CHD1L: variants seen among roughly 807,000 people sequenced by gnomAD.
CHD1L encodes chromodomain helicase DNA binding protein 1 like, also known as ATP-dependent chromatin remodeler CHD1L.
Under a neutral mutation model 115.9 loss-of-function variants are expected in CHD1L, and 118 were observed. That is an observed-to-expected ratio of 1.02 (90% CI 0.88 to 1.19). CHD1L has a LOEUF of 1.19. Among genes scored for constraint, CHD1L ranks in the 50% most tolerant of loss-of-function variants. The probability of loss-of-function intolerance (pLI) is 0.00; values close to 1 mark genes in which losing one functional copy is unlikely to be tolerated. For synonymous variants in CHD1L, 411 were observed against 387.1 expected (o/e 1.06, Z -0.72); for missense variants, 1,179 against 1,065.3 (o/e 1.11, Z -1.49).
At chr1:147,204,226 A>G in the CHD1L span, 13 of 1,374,676 alleles carry the variant, frequency 9.5e-6, no homozygotes, top group Middle Eastern at 3.5e-4. Flanking sequence ...CTATTTTTGC[A>G]TCTTTGACAG....
At position 147,252,691 on chromosome 1, in the gene CHD1L, G is replaced by A. The variant is rs1668797839; in HGVS notation, c.196G>A (p.Gly66Ser). The A allele has an allele frequency of 6.2e-7, 1 of 1,614,008 alleles. No homozygotes were observed. Among genetic ancestry groups the A allele is most frequent in the Admixed American group, 1.7e-5 (1 of 60,004 alleles). ...WLAQRFHCQN[G>S]CILGDEMGLG... Reference sequence around the variant, plus strand: ...CGCCCAGCGCTTCCATTGTCAGAATGGCTGTATCCTGGGAGATGAGATGGG... The same window carrying A: ...CGCCCAGCGCTTCCATTGTCAGAATAGCTGTATCCTGGGAGATGAGATGGG... Residue 66 changes from glycine (G) to serine (S), a missense_variant, in exon 2 of 23, where the codon GGC (glycine) becomes AGC (serine). By Grantham distance (56) the Gly-to-Ser change is moderately conservative (BLOSUM62 0). Transcript: ENST00000369258.
chr1:147,232,430 T>C, the CHD1L span, among the ~76,000 whole-genome samples: 7 of 152,120 alleles, frequency 4.6e-5, no homozygotes, highest in Non-Finnish European at 5.9e-5. Context: ...TGTATTCCCA[T>C]TATCTCAAGT....
chr1:147,272,706 AGTT>A (rs1676707784), intron 12 of CHD1L, among the ~76,000 whole-genome samples: 1 of 152,206 alleles, frequency 6.6e-6, no homozygotes, highest in Admixed American at 6.5e-5. Context: ...ACAAAAATCT[AGTT>A]GTTAAAAAAT....
At chr1:147,261,357 G>A (rs587714077) in intron 6 of CHD1L, among the ~76,000 whole-genome samples, 81 of 151,234 alleles carry the variant, frequency 5.4e-4, no homozygotes, top group African/African-American at 1.9e-3. Context: ...AGGTGGACGG[G>A]CAAGAGGGAG....
chr1:147,287,537 T>C, intron 18 of CHD1L, 98 bp from the exon 19 acceptor site: 1 of 781,586 alleles, frequency 1.3e-6, no homozygotes, highest in Non-Finnish European at 2.0e-6. Context: ...CTTTGAAAAA[T>C]CATTCTTCCA....
chr1:147,207,486 A>T, the CHD1L span, among the ~76,000 whole-genome samples: 2 of 152,334 alleles, frequency 1.3e-5, no homozygotes, highest in Admixed American at 6.5e-5. Flanking sequence ...TTGTACTTTC[A>T]TAACACTGTA....
intron 1 of CHD1L, among the ~76,000 whole-genome samples, chr1:147,243,670 C>T (rs1346986985): frequency 2.6e-5 from 4 of 152,112 alleles, no homozygotes; most frequent in African/African-American, 9.7e-5. Context: ...TGTGCTTTGA[C>T]TGTATTGACA....
rs1682701912 is a variant in CHD1L, at chr1:147,285,444, G to A, written c.1975G>A (p.Glu659Lys). The change falls in exon 17 of 23, where the codon GAG becomes AAG. Residue 659 changes from glutamate (E) to lysine (K), a missense_variant. By Grantham distance (56) the Glu-to-Lys change is moderately conservative. Transcript: ENST00000369258. Reference protein sequence around the residue: ...EAAAKRRRLIEEKKRQKEEAE... With the variant: ...EAAAKRRRLIKEKKRQKEEAE... ...AGCTGCCAAGAGAAGGAGACTCATA[G>A]AGGAGAAGAAGAGGCAAAAGGAAGA... 2.5e-6 allele frequency: 4 copies of A among 1,613,818 alleles called. No homozygotes were observed. The South Asian group carries it at 3.3e-5, about 13-fold the overall frequency.
At chr1:147,227,593 C>A in the CHD1L span, among the ~76,000 whole-genome samples, 1 of 152,166 alleles carries the variant, frequency 6.6e-6, no homozygotes. Context: ...AAGTCAATTT[C>A]TTCATTGAAA....
the CHD1L span, among the ~76,000 whole-genome samples, chr1:147,206,393 C>A: frequency 1.3e-5 from 2 of 152,164 alleles, no homozygotes; most frequent in Non-Finnish European, 1.5e-5. Context: ...TACCATTTGA[C>A]CCAACCATCC....
At chr1:147,253,845 A>T (rs1046677956) in intron 2 of CHD1L, among the ~76,000 whole-genome samples, 8 of 152,232 alleles carry the variant, frequency 5.3e-5, no homozygotes, top group Non-Finnish European at 1.2e-4. Context: ...TGTTAATCTA[A>T]CAGTGTCACT....
the CHD1L span, chr1:147,184,558 A>C: frequency 6.5e-7 from 1 of 1,549,132 alleles, no homozygotes; most frequent in Non-Finnish European, 8.7e-7. This position sits in a 1 kb window ranked among gnomAD's most constrained non-coding sequence, Gnocchi z 4.4. Context: ...TGATCTTGAC[A>C]GTTTTGAGGT....
Position 147,294,526 on chromosome 1 carries a change from T to C in CHD1L, c.2615+9T>C, listed in dbSNP as rs782185461. ...GGCATCCCAACTTACATGTATCCTT[T>C]TGTGATCTTCATTGTGTGTTCTCCC... On this transcript the variant is annotated intron_variant, in intron 22 of 22. Transcript: ENST00000369258. 2.0e-5 allele frequency: 32 copies of C among 1,600,432 alleles called. No homozygotes were observed. The South Asian group carries it at 3.5e-4, about 17-fold the overall frequency.
At chr1:147,233,921 C>T in the CHD1L span, among the ~76,000 whole-genome samples, 1 of 151,950 alleles carries the variant, frequency 6.6e-6, no homozygotes, top group Non-Finnish European at 1.5e-5. Context: ...GTCATCACCA[C>T]TCCCTAATCT....
At chr1:147,241,528 A>G (rs1553930998), upstream of CHD1L, among the ~76,000 whole-genome samples, 1 of 152,120 alleles carries the variant, frequency 6.6e-6, no homozygotes, top group African/African-American at 2.4e-5. Flanking sequence ...ACCTGCACCC[A>G]GGTGAAATAA....
the CHD1L span, chr1:147,186,251 G>A: frequency 2.2e-6 from 2 of 901,670 alleles, no homozygotes; most frequent in Non-Finnish European, 2.7e-6. Context: ...ATGACTGTGA[G>A]CCTAGAAAGT....
chr1:147,187,109 G>A, the CHD1L span: 2 of 1,614,124 alleles, frequency 1.2e-6, no homozygotes, highest in South Asian at 1.1e-5. Context: ...CAGGGTCCCA[G>A]TAATAAGTGT....
the CHD1L span, among the ~76,000 whole-genome samples, chr1:147,233,610 T>C: frequency 6.6e-6 from 1 of 152,072 alleles, no homozygotes; most frequent in African/African-American, 2.4e-5. Flanking sequence ...AACATGCTCA[T>C]TGAGAACAGG....
the CHD1L span, among the ~76,000 whole-genome samples, chr1:147,207,144 G>A: frequency 6.6e-6 from 1 of 152,020 alleles, no homozygotes; most frequent in Non-Finnish European, 1.5e-5. Flanking sequence ...TGGTTATGTA[G>A]GAGAATGCCC....
Sources: gnomAD v4.1 joint callset for allele counts (sites outside exome capture counted in the v4.1 genomes callset) on GRCh38, gnomAD v4.1.1 for gene constraint, Gnocchi (gnomAD v3.1) non-coding constraint, MANE v1.5 for transcripts, NCBI Gene and HGNC (gene_info 2026-07-23, HGNC 2026-07-21) for gene names.